Variants in ASIC2 observed in about 807,000 individuals in gnomAD.
The protein encoded by ASIC2 is acid-sensing ion channel 2.
In ASIC2, 25 loss-of-function variants were observed where a neutral mutation model predicts 57.3. The observed-to-expected ratio is 0.44, with a 90% CI of 0.32 to 0.61. ASIC2 has a LOEUF of 0.61. Ranked by LOEUF, ASIC2 falls within the 20% of genes least tolerant of loss-of-function variation. The probability of loss-of-function intolerance (pLI) is 0.06; values close to 1 mark genes in which losing one functional copy is unlikely to be tolerated. For missense variants in ASIC2, 641 were observed against 738.1 expected (o/e 0.87, Z 1.52); for synonymous variants, 319 against 307.5 (o/e 1.04, Z -0.39).
At chr17:33,543,006 A>C (rs1386550331) in intron 1 of ASIC2, among the ~76,000 whole-genome samples, 1 of 151,702 alleles carries the variant, frequency 6.6e-6, no homozygotes, top group Non-Finnish European at 1.5e-5. Context: ...TGAAATTGGA[A>C]ACCATCATTC....
chr17:33,611,519 T>C (rs1376493753), intron 1 of ASIC2, among the ~76,000 whole-genome samples: 1 of 152,158 alleles, frequency 6.6e-6, no homozygotes, highest in African/African-American at 2.4e-5. Context: ...TGTTCACTGG[T>C]CTGTAGGTTG....
chr17:33,844,914 G>A (rs1463889354), intron 1 of ASIC2, among the ~76,000 whole-genome samples: 2 of 152,156 alleles, frequency 1.3e-5, no homozygotes, highest in African/African-American at 2.4e-5. Context: ...TTTTACAGAT[G>A]GGAAATAACA....
At chr17:33,117,898 C>T (rs2092287278) in intron 1 of ASIC2, among the ~76,000 whole-genome samples, 1 of 152,150 alleles carries the variant, frequency 6.6e-6, no homozygotes, top group Admixed American at 6.5e-5. Context: ...GGTTCCTGTG[C>T]TCTCTGCTTA....
Position 34,043,535 on chromosome 17 carries a change from C to A in ASIC2, c.555+112443G>T, listed in dbSNP as rs145040504. ...GATTTCAAATATATAAATTTTAAAA[C>A]CTTCCATTTGTTTAGTGCTTTAGAA... On this transcript the variant is annotated intron_variant, in intron 1 of 9. Coordinates refer to the ASIC2 transcript ENST00000359872. 7.7e-3 allele frequency among the ~76,000 whole-genome samples: 1,165 copies of A among 152,242 alleles called. 12 individuals are homozygous for A. Among genetic ancestry groups the A allele is most frequent in the African/African-American group, 0.026 (1,091 of 41,530 alleles).
At chr17:33,429,131 C>T (rs573271873) in intron 1 of ASIC2, among the ~76,000 whole-genome samples, 2 of 152,238 alleles carry the variant, frequency 1.3e-5, no homozygotes, top group South Asian at 4.2e-4. Flanking sequence ...TGAATGGATG[C>T]TAGTACCAAC....
At chr17:33,578,408 G>T (rs746514703) in intron 1 of ASIC2, among the ~76,000 whole-genome samples, 7 of 152,054 alleles carry the variant, frequency 4.6e-5, no homozygotes, top group African/African-American at 7.3e-5. Flanking sequence ...AATCTCTTCA[G>T]GCTCTGCTAC....
chr17:33,808,248 C>A (rs115533715), intron 1 of ASIC2, among the ~76,000 whole-genome samples: 3 of 152,110 alleles, frequency 2.0e-5, no homozygotes, highest in Admixed American at 6.5e-5. Context: ...TTTTTGCATG[C>A]GAATGCTGTC....
intron 1 of ASIC2, among the ~76,000 whole-genome samples, chr17:34,024,988 C>T (rs1182556089): frequency 6.6e-6 from 1 of 152,228 alleles, no homozygotes; most frequent in Non-Finnish European, 1.5e-5. Context: ...TCACTGAATG[C>T]AGAGCTGGCC....
At chr17:33,232,282 C>T (rs916604563) in intron 1 of ASIC2, among the ~76,000 whole-genome samples, 3 of 152,180 alleles carry the variant, frequency 2.0e-5, no homozygotes, top group African/African-American at 7.2e-5. Context: ...GAGCCCTCAC[C>T]AGGAACTGAA....
intron 1 of ASIC2, among the ~76,000 whole-genome samples, chr17:34,133,374 A>C (rs1401076720): frequency 6.6e-6 from 1 of 152,220 alleles, no homozygotes; most frequent in Non-Finnish European, 1.5e-5. Context: ...TCACCTAAAA[A>C]AGGTGCTGGG....
chr17:33,360,538 T>A (rs1397199077), intron 1 of ASIC2, among the ~76,000 whole-genome samples: 1 of 152,370 alleles, frequency 6.6e-6, no homozygotes, highest in African/African-American at 2.4e-5. Context: ...TAAAAGATCC[T>A]AAGCTCTTTC....
chr17:33,071,521 T>C (rs921958762), intron 3 of ASIC2, among the ~76,000 whole-genome samples: 2 of 152,234 alleles, frequency 1.3e-5, no homozygotes, highest in Admixed American at 6.5e-5. Flanking sequence ...ATTTCTAATA[T>C]GTGTTCATTC....
At chr17:33,099,108 T>C (rs556995888) in intron 2 of ASIC2, among the ~76,000 whole-genome samples, 1 of 152,082 alleles carries the variant, frequency 6.6e-6, no homozygotes, top group African/African-American at 2.4e-5. Flanking sequence ...CTCTCCTGCA[T>C]CAACTGCCCG....
At chr17:33,961,737 G>A (rs1904927901) in intron 1 of ASIC2, among the ~76,000 whole-genome samples, 2 of 109,244 alleles carry the variant, frequency 1.8e-5, no homozygotes, top group Admixed American at 1.7e-4. Flanking sequence ...GGACATATTT[G>A]GGAGGGAAAA....
At chr17:33,683,075 G>A (rs750988497) in intron 1 of ASIC2, among the ~76,000 whole-genome samples, 11 of 152,254 alleles carry the variant, frequency 7.2e-5, no homozygotes, top group Middle Eastern at 3.4e-3. Flanking sequence ...AGTAGGCCAC[G>A]CTGCCCTATA....
intron 1 of ASIC2, among the ~76,000 whole-genome samples, chr17:33,128,406 T>C (rs4128316): frequency 0.84 from 127,236 of 152,160 alleles, 53,625 homozygotes; most frequent in African/African-American, 0.88. Context: ...AGCTCTAGGC[T>C]ATCTTGCTTT....
At chr17:34,076,533 A>G (rs1480711161) in intron 1 of ASIC2, among the ~76,000 whole-genome samples, 1 of 152,206 alleles carries the variant, frequency 6.6e-6, no homozygotes, top group Admixed American at 6.5e-5. Flanking sequence ...ATCCTGAAAA[A>G]AGTATATCCC....
At chr17:33,518,173 C>T (rs543935864) in intron 1 of ASIC2, among the ~76,000 whole-genome samples, 1 of 152,190 alleles carries the variant, frequency 6.6e-6, no homozygotes, top group African/African-American at 2.4e-5. Context: ...GGCTATCAGT[C>T]CTGAGCTCCT....
chr17:33,472,905 A>G (rs986558005), intron 1 of ASIC2, among the ~76,000 whole-genome samples: 1 of 152,210 alleles, frequency 6.6e-6, no homozygotes, highest in Non-Finnish European at 1.5e-5. Flanking sequence ...AAACTGTGGT[A>G]ATCTTGGCCT....
Sources: gnomAD v4.1 joint callset for allele counts (sites outside exome capture counted in the v4.1 genomes callset) on GRCh38, gnomAD v4.1.1 for gene constraint, MANE v1.5 for transcripts, NCBI Gene and HGNC (gene_info 2026-07-23, HGNC 2026-07-21) for gene names.